The following HBS1L variants were observed in gnomAD, a reference collection of about 807,000 sequenced individuals.
The protein encoded by HBS1L is HBS1 like translational GTPase.
In HBS1L, 55 loss-of-function variants were observed where a neutral mutation model predicts 88.9. The ratio of observed to expected loss-of-function variants is 0.62; its 90% confidence interval spans 0.50 to 0.77. The LOEUF (loss-of-function observed/expected upper bound fraction) is 0.77. Ranked by LOEUF, HBS1L falls within the 30% of genes least tolerant of loss-of-function variation. HBS1L has a pLI of 0.00. For missense variants in HBS1L, 741 were observed against 829.3 expected, an observed-to-expected ratio of 0.89 and a Z score of 1.31; for synonymous variants, 267 against 288.5, an observed-to-expected ratio of 0.93 and a Z score of 0.76.
At chr6:134,975,120 A>G (rs1774606552) in intron 15 of HBS1L, among the ~76,000 whole-genome samples, 1 of 152,228 alleles carries the variant, frequency 6.6e-6, no homozygotes, top group Non-Finnish European at 1.5e-5. Context: ...GATCAAGCTG[A>G]GAATCAAATC....
At chr6:135,053,763 T>A (rs1327220184) in intron 1 of HBS1L, among the ~76,000 whole-genome samples, 2 of 152,258 alleles carry the variant, frequency 1.3e-5, no homozygotes, top group African/African-American at 2.4e-5. Context: ...TTCTTTATTC[T>A]TCTCCTGCAT....
chr6:134,995,443 C>A (rs1249254105), intron 7 of HBS1L, among the ~76,000 whole-genome samples: 1 of 151,894 alleles, frequency 6.6e-6, no homozygotes, highest in East Asian at 1.9e-4. Context: ...AAAAAACTAG[C>A]AGCAGCAAAA....
At chr6:135,024,626 T>C (rs1197673301) in intron 4 of HBS1L, among the ~76,000 whole-genome samples, 2 of 150,934 alleles carry the variant, frequency 1.3e-5, no homozygotes, top group Admixed American at 1.3e-4. Context: ...ACAATTTTAT[T>C]ACCCAAATAT....
chr6:134,983,844 A>G (rs73549253), intron 12 of HBS1L, among the ~76,000 whole-genome samples: 43 of 152,274 alleles, frequency 2.8e-4, no homozygotes, highest in African/African-American at 1.0e-3. Flanking sequence ...GAGCCCATAG[A>G]GAAGATATAG....
At chr6:135,053,671 T>C (rs771344424) in intron 1 of HBS1L, among the ~76,000 whole-genome samples, 4 of 152,218 alleles carry the variant, frequency 2.6e-5, no homozygotes, top group African/African-American at 4.8e-5. Context: ...AGCATACTGA[T>C]GTTCTATAAT....
At chr6:135,007,832 AT>A (rs1246130413) in intron 4 of HBS1L, among the ~76,000 whole-genome samples, 1 of 152,194 alleles carries the variant, frequency 6.6e-6, no homozygotes, top group Non-Finnish European at 1.5e-5. Context: ...TGAACACTAA[AT>A]TTTCAGTAAG....
At chr6:135,051,020 G>GT (rs1777064852) in intron 1 of HBS1L, among the ~76,000 whole-genome samples, 1 of 152,156 alleles carries the variant, frequency 6.6e-6, no homozygotes. Flanking sequence ...GAGGTCAGGA[G>GT]TTTGAGACCC....
intron 5 of HBS1L, among the ~76,000 whole-genome samples, chr6:134,998,873 TAGAC>T (rs1376127108): frequency 6.6e-6 from 1 of 152,234 alleles, no homozygotes; most frequent in East Asian, 1.9e-4. Context: ...GAGCACTGCT[TAGAC>T]AGATGCACTT....
At chr6:134,990,170 T>C (rs1775091223) in intron 8 of HBS1L, among the ~76,000 whole-genome samples, 4 of 152,224 alleles carry the variant, frequency 2.6e-5, no homozygotes, top group Admixed American at 2.6e-4. Flanking sequence ...AATCTTCCTA[T>C]TACTATCTCC....
rs566993697 is a variant in HBS1L, at chr6:134,970,321, T to C, written c.1798-983A>G. Reference sequence around the variant, plus strand: ...CTAGTTTTTGTACTTTTAGTAGATATGGGGTTTCACCACGTTGGCCAGGCT... The same window carrying C: ...CTAGTTTTTGTACTTTTAGTAGATACGGGGTTTCACCACGTTGGCCAGGCT... On this transcript the variant is annotated intron_variant, in intron 15 of 17. Transcript: ENST00000367837. 4.6e-5 allele frequency among the ~76,000 whole-genome samples: 7 copies of C among 152,230 alleles called. No homozygotes were observed. In the South Asian group the frequency reaches 8.3e-4, roughly 18 times the overall value.
At chr6:135,033,406 G>A (rs1776442896) in intron 4 of HBS1L, among the ~76,000 whole-genome samples, 1 of 152,150 alleles carries the variant, frequency 6.6e-6, no homozygotes, top group Non-Finnish European at 1.5e-5. Flanking sequence ...AAGGATCGAT[G>A]GCCAAGGGTG....
intron 4 of HBS1L, among the ~76,000 whole-genome samples, chr6:135,038,867 ATTTT>A (rs1165477277): frequency 6.6e-6 from 1 of 152,160 alleles, no homozygotes; most frequent in Non-Finnish European, 1.5e-5. Flanking sequence ...GCATAAAGGG[ATTTT>A]TTTAACATTA....
chr6:135,006,279 G>A (rs1406549492), intron 4 of HBS1L, among the ~76,000 whole-genome samples: 1 of 152,198 alleles, frequency 6.6e-6, no homozygotes, highest in Non-Finnish European at 1.5e-5. Context: ...TAAAGAAGAA[G>A]AAATCTTAGT....
chr6:134,986,583 C>T (rs976521928), intron 10 of HBS1L, among the ~76,000 whole-genome samples, 153 bp downstream of exon 10: 1 of 151,518 alleles, frequency 6.6e-6, no homozygotes, highest in Non-Finnish European at 1.5e-5. Context: ...TTGAAATAAT[C>T]CAAAGAATAT....
intron 10 of HBS1L, 72 bp downstream of exon 10, chr6:134,986,664 A>G: frequency 1.6e-6 from 1 of 643,584 alleles, no homozygotes; most frequent in East Asian, 3.1e-5. Flanking sequence ...ATATCAAAGT[A>G]TTAGTTTTTC....
chr6:135,043,872 G>A (rs1776829493), intron 2 of HBS1L, among the ~76,000 whole-genome samples: 1 of 152,160 alleles, frequency 6.6e-6, no homozygotes, highest in Admixed American at 6.5e-5. Context: ...GTAACATTGA[G>A]GATGTTATGA....
chr6:134,966,251 T>C, intron 17 of HBS1L, 78 bp downstream of exon 17: 2 of 1,305,132 alleles, frequency 1.5e-6, no homozygotes, highest in Non-Finnish European at 2.1e-6. Context: ...CTCAATGCTT[T>C]CTTTTCATTC....
chr6:135,016,819 T>G (rs1775935433), intron 4 of HBS1L, among the ~76,000 whole-genome samples: 1 of 152,154 alleles, frequency 6.6e-6, no homozygotes, highest in East Asian at 1.9e-4. Flanking sequence ...TTAATAAAAT[T>G]ATTTATTTAT....
At chr6:135,036,965 T>G in intron 4 of HBS1L, 1 of 1,551,472 alleles carries the variant, frequency 6.4e-7, no homozygotes. Flanking sequence ...AAATCTGGGT[T>G]TTTTATAAGG....
Sources: gnomAD v4.1 joint callset for allele counts (sites outside exome capture counted in the v4.1 genomes callset) on GRCh38, gnomAD v4.1.1 for gene constraint, MANE v1.5 for transcripts, NCBI Gene and HGNC (gene_info 2026-07-23, HGNC 2026-07-21) for gene names.